The following TSPAN15 variants were observed in gnomAD, a reference collection of about 807,000 sequenced individuals.
TSPAN15 encodes tetraspanin 15.
Under a neutral mutation model 34.5 loss-of-function variants are expected in TSPAN15, and 20 were observed. That is an observed-to-expected ratio of 0.58 (90% CI 0.41 to 0.84). The LOEUF is 0.84. TSPAN15 is among the 40% of genes least tolerant of loss of function. The pLI, the probability that TSPAN15 is intolerant of heterozygous loss-of-function variation, is 0.00. For missense variants in TSPAN15, 313 were observed against 386.1 expected (o/e 0.81, Z 1.59); for synonymous variants, 155 against 153.9 (o/e 1.01, Z -0.05).
intron 1 of TSPAN15, among the ~76,000 whole-genome samples, chr10:69,459,628 C>T (rs894080580): frequency 6.6e-5 from 10 of 152,230 alleles, no homozygotes; most frequent in South Asian, 4.1e-4. Context: ...GGAAGGGCTG[C>T]GCTGTGGGTG....
At chr10:69,478,283 A>T (rs1483533757) in intron 1 of TSPAN15, among the ~76,000 whole-genome samples, 1 of 152,158 alleles carries the variant, frequency 6.6e-6, no homozygotes, top group Non-Finnish European at 1.5e-5. Context: ...TCTGGGCAGG[A>T]GGAGGGGGTC....
chr10:69,507,225 A>G lies in TSPAN15; in HGVS notation c.*247A>G, dbSNP rs1001630151. On this transcript the variant is annotated 3_prime_UTR_variant, in exon 8 of 8. Transcript: ENST00000373290. ...GTGCCCACCTGGGGCCTGGGGAACA[A>G]GGCCCTCCTTTCTCCAGGCCTGGGC... The G allele has an allele frequency of 5.2e-5, 72 of 1,395,120 alleles. No individual in the cohort carries two copies. The South Asian group carries it at 6.0e-4, about 12-fold the overall frequency. The allele number at this position is 1,395,120 out of a possible 1,614,324, so 86.4% of individuals were successfully genotyped here.
intron 3 of TSPAN15, chr10:69,494,953 A>G (rs547293693): frequency 3.7e-6 from 3 of 817,524 alleles, no homozygotes; most frequent in Admixed American, 6.2e-5. Context: ...GCGGCCTGCC[A>G]TGTTCCTCCC....
At chr10:69,513,261 A>G in the TSPAN15 span, among the ~76,000 whole-genome samples, 119 of 152,362 alleles carry the variant, frequency 7.8e-4, no homozygotes, top group African/African-American at 2.7e-3. Flanking sequence ...TTCTTAAAAA[A>G]TTAGATTGTT....
chr10:69,516,454 G>A, the TSPAN15 span, among the ~76,000 whole-genome samples: 2 of 152,204 alleles, frequency 1.3e-5, no homozygotes, highest in South Asian at 4.1e-4. Flanking sequence ...CCACCAGAGG[G>A]AGGCCTCGGT....
chr10:69,462,054 C>T (rs956205006), intron 1 of TSPAN15, among the ~76,000 whole-genome samples: 1 of 151,720 alleles, frequency 6.6e-6, no homozygotes, highest in Non-Finnish European at 1.5e-5. Flanking sequence ...AATCATGGCT[C>T]ACTGTGGCCT....
the TSPAN15 span, among the ~76,000 whole-genome samples, chr10:69,540,750 G>A: frequency 3.3e-5 from 5 of 152,106 alleles, no homozygotes; most frequent in African/African-American, 7.2e-5. Flanking sequence ...TGGGGATCTG[G>A]GCATGTGGTT....
At chr10:69,483,584 C>G in intron 1 of TSPAN15, 107 bp from the exon 2 acceptor site, 1 of 1,262,708 alleles carries the variant, frequency 7.9e-7, no homozygotes. Flanking sequence ...GTGCTGTAAC[C>G]TGGGGCAAGC....
intron 3 of TSPAN15, among the ~76,000 whole-genome samples, chr10:69,488,459 C>T (rs1042378381): frequency 6.6e-6 from 1 of 152,154 alleles, no homozygotes; most frequent in Non-Finnish European, 1.5e-5. Context: ...GTGCCATGGG[C>T]CCTGGTAACT....
Position 69,506,864 on chromosome 10 carries a change from C to G in TSPAN15, c.771C>G (p.Thr257=), listed in dbSNP as rs747789673. ...TGCTGCTGACGCTGCTGTACATCACCCGGGTGGAGGACATCATCATGGAGC... is the reference window on the plus strand; with the variant it reads ...TGCTGCTGACGCTGCTGTACATCACGCGGGTGGAGGACATCATCATGGAGC... The part of the protein sequence containing the change: ...LGVLLTLLYI[T]RVEDIIMEHS... The change falls in exon 8 of 8, where the codon ACC becomes ACG. Residue 257 remains threonine, a synonymous_variant. Transcript: ENST00000373290. This position sits in a 1 kb window ranked among gnomAD's most constrained non-coding sequence, Gnocchi z 4.7. The G allele has an allele frequency of 6.3e-7, 1 of 1,598,492 alleles. No homozygotes were observed. The highest frequency in any genetic ancestry group is 2.3e-5 in the East Asian group (1 of 44,378).
At chr10:69,517,867 G>A in the TSPAN15 span, among the ~76,000 whole-genome samples, 4 of 152,216 alleles carry the variant, frequency 2.6e-5, no homozygotes, top group African/African-American at 9.6e-5. Context: ...GAGCCACCAG[G>A]AGGAAAACTG....
At chr10:69,516,883 C>T in the TSPAN15 span, among the ~76,000 whole-genome samples, 1 of 152,178 alleles carries the variant, frequency 6.6e-6, no homozygotes, top group South Asian at 2.1e-4. Context: ...GGGGTGCTCA[C>T]TAAGCAGGTG....
intron 5 of TSPAN15, among the ~76,000 whole-genome samples, chr10:69,504,058 G>A (rs1046402869): frequency 6.6e-6 from 1 of 152,164 alleles, no homozygotes; most frequent in African/African-American, 2.4e-5. Flanking sequence ...TCCTCCCCAA[G>A]AGCCAGCGGC....
Position 69,496,486 on chromosome 10 carries a change from C to T in TSPAN15, c.453+797C>T, listed in dbSNP as rs552558794. 5.3e-5 allele frequency among the ~76,000 whole-genome samples: 8 copies of T among 152,178 alleles called. No homozygotes were observed. In the East Asian group the frequency reaches 5.8e-4, roughly 11 times the overall value. On this transcript the variant is annotated intron_variant, in intron 4 of 7. Transcript: ENST00000373290. ...GGAATAATGACAGGAGCTCTTGGGGCGTCGTCATGAGGATTACCTTGACTT... is the reference window on the plus strand; with the variant it reads ...GGAATAATGACAGGAGCTCTTGGGGTGTCGTCATGAGGATTACCTTGACTT...
intron 1 of TSPAN15, among the ~76,000 whole-genome samples, chr10:69,462,155 G>GTTTT (rs755068937): frequency 0.015 from 1,201 of 82,514 alleles, 80 homozygotes; most frequent in African/African-American, 0.024. Context: ...TAATTTTAAA[G>GTTTT]TTTTTTTTTT....
intron 6 of TSPAN15, 111 bp downstream of exon 6, chr10:69,504,596 A>C: frequency 8.7e-7 from 1 of 1,153,754 alleles, no homozygotes; most frequent in Non-Finnish European, 1.3e-6. Context: ...ATTTTCCCAC[A>C]TTCCTGGCTG....
At chr10:69,521,660 C>G in the TSPAN15 span, among the ~76,000 whole-genome samples, 1 of 147,488 alleles carries the variant, frequency 6.8e-6, no homozygotes, top group Non-Finnish European at 1.5e-5. Context: ...TTCATTTTTC[C>G]TGCTTGAGCT....
chr10:69,523,681 A>G, the TSPAN15 span: 1 of 196,952 alleles, frequency 5.1e-6, no homozygotes, highest in Non-Finnish European at 1.0e-5. Flanking sequence ...TGGATGAACA[A>G]ACATCCTTGA....
At chr10:69,457,889 G>A (rs1055968772) in intron 1 of TSPAN15, among the ~76,000 whole-genome samples, 4 of 152,178 alleles carry the variant, frequency 2.6e-5, no homozygotes, top group Admixed American at 6.5e-5. Context: ...TGGATTAGTC[G>A]TTCTTTTCCT....
Sources: allele counts gnomAD v4.1 joint callset (sites outside exome capture counted in the v4.1 genomes callset), GRCh38; gene constraint gnomAD v4.1.1; non-coding constraint Gnocchi (gnomAD v3.1); transcripts MANE v1.5; gene names NCBI Gene and HGNC (gene_info 2026-07-23, HGNC 2026-07-21).